CMPK2: variants seen among roughly 807,000 people sequenced by gnomAD.
The protein encoded by CMPK2 is UMP-CMP kinase 2, mitochondrial.
CMPK2 carries 32 observed loss-of-function variants against 33.4 expected under a neutral mutation model. That is an observed-to-expected ratio of 0.96 (90% CI 0.72 to 1.29). The LOEUF is 1.29. Ranked by LOEUF, CMPK2 falls within the 50% of genes most tolerant of loss-of-function variation. CMPK2 has a pLI of 0.00. For missense variants in CMPK2, 672 were observed against 616.0 expected, an observed-to-expected ratio of 1.09 and a Z score of -0.96; for synonymous variants, 299 against 275.3, an observed-to-expected ratio of 1.09 and a Z score of -0.85.
rs1662946901 is a variant in CMPK2, at chr2:6,863,544, A to G, written c.710T>C (p.Leu237Pro). The change falls in exon 2 of 5, where the codon CTT becomes CCT. Residue 237 changes from leucine (L) to proline (P), a missense_variant. Leu to Pro is a moderately conservative substitution (Grantham distance 98). Coordinates refer to ENST00000256722, the MANE Select transcript of CMPK2 (RefSeq NM_207315.4). The part of the protein sequence containing the change: ...TSFIPEARAV[L>P]DLVDQCPKQI... The stretch of plus-strand genomic sequence containing the variant: ...TTTTGGGCACTGGTCGACCAGGTCA[A>G]GCACTGCCCGGGCTTCAGGAATAAA... 6.2e-7 allele frequency: 1 copy of G among 1,614,106 alleles called. No individual in the cohort carries two copies. The highest frequency in any genetic ancestry group is 2.2e-5 in the East Asian group (1 of 44,896).
At chr2:6,848,266 T>C (rs1662413457), downstream of CMPK2, 15 of 805,062 alleles carry the variant, frequency 1.9e-5, no homozygotes, top group Non-Finnish European at 2.3e-5. Context: ...AAAAGGGGAA[T>C]CTGAGAAAGC....
chr2:6,858,174 C>T (rs2103224463), intron 3 of CMPK2, among the ~76,000 whole-genome samples: 3 of 151,858 alleles, frequency 2.0e-5, no homozygotes, highest in Middle Eastern at 6.9e-3. Context: ...TCTTTCTCCA[C>T]AGTGCTTTCT....
chr2:6,861,049 T>A, intron 3 of CMPK2, 135 bp downstream of exon 3: 1 of 677,030 alleles, frequency 1.5e-6, no homozygotes, highest in South Asian at 1.9e-5. Flanking sequence ...ATAATAACAG[T>A]TTGACTTAAA....
At chr2:6,843,430 A>G (rs1437062172), downstream of CMPK2, among the ~76,000 whole-genome samples, 1 of 152,126 alleles carries the variant, frequency 6.6e-6, no homozygotes, top group Non-Finnish European at 1.5e-5. Context: ...AGAAGGTCCT[A>G]TGCCTTTAAA....
At chr2:6,846,327 C>T (rs1662361273), downstream of CMPK2, among the ~76,000 whole-genome samples, 1 of 152,204 alleles carries the variant, frequency 6.6e-6, no homozygotes, top group African/African-American at 2.4e-5. Context: ...CGAGGATATT[C>T]ACTCGGGGTG....
At chr2:6,845,376 G>C (rs113120676), downstream of CMPK2, among the ~76,000 whole-genome samples, 6 of 152,262 alleles carry the variant, frequency 3.9e-5, no homozygotes, top group African/African-American at 1.2e-4. Context: ...CATCTAATAA[G>C]AGATGGGAGA....
intron 3 of CMPK2, among the ~76,000 whole-genome samples, chr2:6,854,737 C>T (rs1400930610): frequency 6.6e-6 from 1 of 152,190 alleles, no homozygotes; most frequent in Non-Finnish European, 1.5e-5. Context: ...TTATACACTG[C>T]TCATATAATA....
At chr2:6,854,929 C>T (rs1662638832) in intron 3 of CMPK2, among the ~76,000 whole-genome samples, 1 of 151,906 alleles carries the variant, frequency 6.6e-6, no homozygotes. Flanking sequence ...GTGGCCAGTG[C>T]TGCTTCAGGA....
intron 3 of CMPK2, among the ~76,000 whole-genome samples, chr2:6,856,872 C>A (rs1342302742): frequency 1.3e-5 from 2 of 152,168 alleles, no homozygotes; most frequent in Non-Finnish European, 2.9e-5. Context: ...GGTTTTCCAC[C>A]TTATACATAT....
chr2:6,843,923 T>G (rs765140352), downstream of CMPK2, among the ~76,000 whole-genome samples: 4 of 152,140 alleles, frequency 2.6e-5, no homozygotes, highest in Non-Finnish European at 5.9e-5. Flanking sequence ...GGATCCTGGA[T>G]AGTAATGGCA....
intron 3 of CMPK2, among the ~76,000 whole-genome samples, chr2:6,851,992 A>G (rs139273807): frequency 1.6e-3 from 242 of 152,200 alleles, no homozygotes; most frequent in African/African-American, 5.6e-3. Flanking sequence ...GCATTCCTCT[A>G]TGAAAGAATG....
chr2:6,863,555 G>T lies in CMPK2; in HGVS notation c.699C>A (p.Ala233=), dbSNP rs1558328033. Residue 233 remains alanine (A), a synonymous_variant, in exon 2 of 5, where the codon GCC becomes GCA. Transcript: ENST00000256722. ...GGTCGACCAGGTCAAGCACTGCCCG[G>T]GCTTCAGGAATAAAGGAGGTACACT... ...LEECTSFIPE[A]RAVLDLVDQC... 10 of 1,613,998 alleles carry T rather than the reference G, an allele frequency of 6.2e-6. No individual in the cohort carries two copies. In the South Asian group the frequency reaches 8.8e-5, roughly 14 times the overall value.
chr2:6,861,093 T>TACACACACAC (rs1299249257), intron 3 of CMPK2, 91 bp downstream of exon 3: 9 of 235,376 alleles, frequency 3.8e-5, no homozygotes, highest in African/African-American at 2.1e-4. Context: ...CATGTACGTA[T>TACACACACAC]ACACACACAC....
At chr2:6,844,701 C>G (rs947919164), downstream of CMPK2, among the ~76,000 whole-genome samples, 12 of 152,186 alleles carry the variant, frequency 7.9e-5, no homozygotes, top group Non-Finnish European at 1.5e-5. Context: ...TTCTTTTAGA[C>G]TTCTTATCTT....
chr2:6,865,556 T>A lies in CMPK2; in HGVS notation c.141A>T (p.Leu47=). The A allele has an allele frequency of 7.5e-7, 1 of 1,333,234 alleles. No individual in the cohort carries two copies. Among genetic ancestry groups the A allele is most frequent in the Non-Finnish European group, 9.6e-7 (1 of 1,044,214 alleles). The allele number at this position is 1,333,234 out of a possible 1,614,324, so 82.6% of individuals were successfully genotyped here. A position where few individuals can be genotyped will look rare whatever the true frequency, so the allele number is the denominator to read the frequency against. ...LPDCTLAHFA[L]GADAPGDADA... ...CTGCGTCGCCGGGGGCGTCGGCGCCTAGGGCGAAGTGAGCCAGGGTGCAGT... is the reference window on the plus strand; with the variant it reads ...CTGCGTCGCCGGGGGCGTCGGCGCCAAGGGCGAAGTGAGCCAGGGTGCAGT... The change falls in exon 1 of 5, where the codon CTA becomes CTT. Residue 47 remains leucine, a synonymous_variant. Coordinates refer to ENST00000256722, the MANE Select transcript of CMPK2 (RefSeq NM_207315.4).
In CMPK2 at chr2:6,865,256, GAGC is replaced by G. The variant is rs765941628; in HGVS notation, c.438_440del (p.Leu147del). The G allele has an allele frequency of 6.5e-7, 1 of 1,538,054 alleles. No individual in the cohort carries two copies. The highest frequency in any genetic ancestry group is 8.7e-7 in the Non-Finnish European group (1 of 1,150,050). ...CCTCCTGACAGGCGCCCAGCAGCTC[GAGC>G]AGCGCTTGCCGGGTGTCAGGGTCAT... On this transcript the variant is annotated inframe_deletion, in exon 1 of 5. Coordinates refer to ENST00000256722, the MANE Select transcript of CMPK2 (RefSeq NM_207315.4).
intron 1 of CMPK2, among the ~76,000 whole-genome samples, chr2:6,864,164 G>A (rs1362138496): frequency 6.6e-6 from 1 of 151,724 alleles, no homozygotes; most frequent in Non-Finnish European, 1.5e-5. Flanking sequence ...AATCTTCTAA[G>A]TGCTTTACAA....
upstream of CMPK2, chr2:6,866,330 G>A (rs1019095932): frequency 3.1e-6 from 2 of 649,780 alleles, no homozygotes; most frequent in African/African-American, 3.9e-5. Context: ...CTTTCCTGCG[G>A]GAACAGGGCG....
intron 1 of CMPK2, among the ~76,000 whole-genome samples, 171 bp from the exon 2 acceptor site, chr2:6,863,749 T>C (rs889101957): frequency 7.9e-5 from 12 of 152,182 alleles, no homozygotes; most frequent in African/African-American, 2.7e-4. Flanking sequence ...GACTGGAGTG[T>C]TTTATTTTAT....
Sources: gnomAD v4.1 joint callset for allele counts (sites outside exome capture counted in the v4.1 genomes callset) on GRCh38, gnomAD v4.1.1 for gene constraint, MANE v1.5 for transcripts, NCBI Gene and HGNC (gene_info 2026-07-23, HGNC 2026-07-21) for gene names.